Variants in BANP observed in about 807,000 individuals in gnomAD.
BANP encodes the protein protein BANP.
A neutral mutation model predicts 68.1 loss-of-function variants in BANP; 11 were observed. The ratio of observed to expected loss-of-function variants is 0.16; its 90% CI spans 0.10 to 0.27. BANP has a LOEUF of 0.27. Ranked by LOEUF, BANP falls within the 10% of genes least tolerant of loss-of-function variation. BANP has a pLI of 1.00. For synonymous variants in BANP, 329 were observed against 303.2 expected (o/e 1.09, Z -0.88); for missense variants, 504 against 722.7 (o/e 0.70, Z 3.47).
At chr16:87,979,384 G>GGGT (rs2145970186) in intron 2 of BANP, among the ~76,000 whole-genome samples, 1 of 152,310 alleles carries the variant, frequency 6.6e-6, no homozygotes, top group South Asian at 2.1e-4. Context: ...GTCTGCTGTG[G>GGGT]GGTGGGTGCT....
At chr16:87,956,460 C>G (rs1212738725) in intron 1 of BANP, 1 of 152,256 alleles carries the variant, frequency 6.6e-6, no homozygotes, top group Non-Finnish European at 1.5e-5. Flanking sequence ...CCATCCGGAA[C>G]TTTGGGGGCC....
intron 2 of BANP, among the ~76,000 whole-genome samples, chr16:87,975,824 TATC>T (rs2062000757): frequency 9.9e-6 from 1 of 101,176 alleles, no homozygotes; most frequent in Non-Finnish European, 2.7e-5. Flanking sequence ...CATGGAACCT[TATC>T]ATGTTGTGTG....
intron 1 of BANP, among the ~76,000 whole-genome samples, chr16:87,965,270 G>T (rs1193080758): frequency 6.6e-6 from 1 of 152,182 alleles, no homozygotes; most frequent in East Asian, 1.9e-4. Flanking sequence ...GCAGTTTTGG[G>T]GGAGTAACTG....
chr16:87,979,216 A>G (rs1341337688), intron 2 of BANP, among the ~76,000 whole-genome samples: 1 of 152,164 alleles, frequency 6.6e-6, no homozygotes, highest in Non-Finnish European at 1.5e-5. Context: ...CAATGTATGT[A>G]ACACGTCTGA....
chr16:88,075,577 G>A (rs2091425325), intron 13 of BANP, among the ~76,000 whole-genome samples: 1 of 152,144 alleles, frequency 6.6e-6, no homozygotes, highest in Non-Finnish European at 1.5e-5. Context: ...GCTCGGCCGT[G>A]GGCTCGTGGC....
At chr16:88,045,647 G>A (rs1176408354) in intron 11 of BANP, among the ~76,000 whole-genome samples, 1 of 152,172 alleles carries the variant, frequency 6.6e-6, no homozygotes, top group Non-Finnish European at 1.5e-5. Context: ...GAGCCTGTGA[G>A]TAAAGTGGAG....
intron 11 of BANP, among the ~76,000 whole-genome samples, chr16:88,045,582 CTCACTCCCCACAGAGCCCTGCTA>C (rs2081835383): frequency 6.6e-6 from 1 of 152,188 alleles, no homozygotes; most frequent in Non-Finnish European, 1.5e-5. Flanking sequence ...AAGCGCTCCC[CTCACTCCCCACAGAGCCCTGCTA>C]TGCCGGGCAT....
chr16:88,058,454 C>G (rs2085739143), intron 11 of BANP, among the ~76,000 whole-genome samples: 1 of 152,200 alleles, frequency 6.6e-6, no homozygotes, highest in Non-Finnish European at 1.5e-5. Context: ...CACGGCAGTG[C>G]TGTGGCTTCC....
rs576485406 is a variant in BANP, at chr16:88,050,383, C to T, written c.1311+12372C>T. On this transcript the variant is annotated intron_variant, in intron 11 of 13. Coordinates refer to ENST00000682872, the MANE Select transcript of BANP (RefSeq NM_001386991.1). ...TGTTGCCAGGCTGGTCTTGAACTCC[C>T]GGGCTTAAGGAGTCCACCTGCCTCG... is the stretch of plus-strand genomic sequence containing the variant. Among the ~76,000 whole-genome samples, 7 of 152,280 alleles carry T rather than the reference C, an allele frequency of 4.6e-5. No homozygotes were observed. In the East Asian group the frequency reaches 5.8e-4, roughly 13 times the overall value.
chr16:87,967,680 G>T (rs2060305307), intron 1 of BANP, among the ~76,000 whole-genome samples: 1 of 147,036 alleles, frequency 6.8e-6, no homozygotes, highest in Admixed American at 7.0e-5. Context: ...GGAGTGCAGT[G>T]GCGCAGTCTT....
At chr16:88,056,974 G>A (rs2085214727) in intron 11 of BANP, among the ~76,000 whole-genome samples, 1 of 152,164 alleles carries the variant, frequency 6.6e-6, no homozygotes, top group Non-Finnish European at 1.5e-5. Context: ...AAAACATATA[G>A]AACAGTACTG....
At chr16:88,038,956 C>T (rs1189891620) in intron 11 of BANP, among the ~76,000 whole-genome samples, 2 of 152,204 alleles carry the variant, frequency 1.3e-5, no homozygotes, top group Non-Finnish European at 2.9e-5. Flanking sequence ...CTTCGAGAAA[C>T]CTGCATGCGT....
chr16:88,060,926 T>G (rs546016479), intron 11 of BANP, among the ~76,000 whole-genome samples: 5 of 116,890 alleles, frequency 4.3e-5, no homozygotes, highest in African/African-American at 1.3e-4. Context: ...GCCACAGGCC[T>G]CGGGGTGACT....
intron 11 of BANP, among the ~76,000 whole-genome samples, chr16:88,046,705 A>G (rs938421911): frequency 2.0e-5 from 3 of 151,420 alleles, no homozygotes; most frequent in African/African-American, 7.3e-5. Context: ...CCGCCACCGC[A>G]CCCGGCTAAT....
chr16:88,063,626 C>T (rs556853100), intron 11 of BANP, among the ~76,000 whole-genome samples: 3 of 152,274 alleles, frequency 2.0e-5, no homozygotes, highest in East Asian at 1.9e-4. Flanking sequence ...AGTTTCAGAT[C>T]CGATCACAGC....
intron 1 of BANP, among the ~76,000 whole-genome samples, chr16:87,955,271 T>C (rs553307371): frequency 6.6e-6 from 1 of 152,346 alleles, no homozygotes; most frequent in South Asian, 2.1e-4. Flanking sequence ...AGGGGCCAGC[T>C]GTGTCCATCA....
At chr16:88,045,356 C>G (rs1388525549) in intron 11 of BANP, among the ~76,000 whole-genome samples, 2 of 152,222 alleles carry the variant, frequency 1.3e-5, no homozygotes, top group African/African-American at 4.8e-5. Flanking sequence ...AAGCCTCTGA[C>G]CGAGTTGTCC....
rs946407508 is a variant in BANP, at chr16:87,981,052, T to C, written c.87T>C (p.His29=). The change falls in exon 3 of 14, where the codon CAT becomes CAC. Residue 29 remains histidine (H), a synonymous_variant. Transcript: ENST00000682872. ...SPDHPVVLEN[H]VVTDEDEPAL... Reference sequence around the variant, plus strand: ...TGATTTCAGTTGTTTTGGAGAATCATGTAGTGACAGATGAAGACGAACCTG... The same window carrying C: ...TGATTTCAGTTGTTTTGGAGAATCACGTAGTGACAGATGAAGACGAACCTG... The C allele has an allele frequency of 9.3e-6, 15 of 1,613,076 alleles. No homozygotes were observed. Among genetic ancestry groups the C allele is most frequent in the African/African-American group, 4.0e-5 (3 of 74,924 alleles).
chr16:88,004,391 C>T lies in BANP; in HGVS notation c.459C>T (p.Ser153=). Residue 153 remains serine (S), a synonymous_variant, in exon 5 of 14, where the codon TCC becomes TCT. Transcript: ENST00000682872. The surrounding 1 kb of genome is among the most constrained non-coding windows in gnomAD (Gnocchi z 7.0). The part of the protein sequence containing the change: ...EDPLSNRAPD[S]LENVISNAVP... ...CCTTGAGCAACAGGGCACCGGATTC[C>T]CTGGAAAATGTCATTAGCAAGTCAG... The T allele has an allele frequency of 6.5e-7, 1 of 1,539,514 alleles. No individual in the cohort carries two copies. Among genetic ancestry groups the T allele is most frequent in the Non-Finnish European group, 8.8e-7 (1 of 1,138,056 alleles).
Sources: allele counts gnomAD v4.1 joint callset (sites outside exome capture counted in the v4.1 genomes callset), GRCh38; gene constraint gnomAD v4.1.1; non-coding constraint Gnocchi (gnomAD v3.1); transcripts MANE v1.5; gene names NCBI Gene and HGNC (gene_info 2026-07-23, HGNC 2026-07-21).